Variants in PPP6C observed in about 807,000 individuals in gnomAD.
The protein encoded by PPP6C is serine/threonine-protein phosphatase 6 catalytic subunit.
PPP6C carries 11 observed loss-of-function variants against 39.8 expected under a neutral mutation model. The ratio of observed to expected loss-of-function variants is 0.28; its 90% CI spans 0.17 to 0.46. The LOEUF is 0.46. Among genes scored for constraint, PPP6C ranks in the 20% least tolerant of loss-of-function variants. The pLI, the probability that PPP6C is intolerant of heterozygous loss-of-function variation, is 1.00. For synonymous variants in PPP6C, 129 were observed against 130.3 expected, an observed-to-expected ratio of 0.99 and a Z score of 0.07; for missense variants, 211 against 373.9, an observed-to-expected ratio of 0.56 and a Z score of 3.59.
At chr9:125,171,976 G>C in intron 1 of PPP6C, 1 of 466,808 alleles carries the variant, frequency 2.1e-6, no homozygotes, top group Non-Finnish European at 4.4e-6. Context: ...AATACTCGCA[G>C]AAGCCTAATG....
chr9:125,165,017 G>A (rs922261323), intron 2 of PPP6C, among the ~76,000 whole-genome samples: 3 of 152,128 alleles, frequency 2.0e-5, no homozygotes, highest in South Asian at 2.1e-4. Flanking sequence ...GATTACAGGC[G>A]TGAGCCACCG....
intron 3 of PPP6C, among the ~76,000 whole-genome samples, chr9:125,159,710 C>T (rs147892662): frequency 6.6e-6 from 1 of 152,198 alleles, no homozygotes; most frequent in East Asian, 1.9e-4. Flanking sequence ...AATAGGAAAA[C>T]AGCTGAAAGA....
chr9:125,189,017 T>C, intron 1 of PPP6C: 1 of 1,196,860 alleles, frequency 8.4e-7, no homozygotes, highest in South Asian at 1.3e-5. Flanking sequence ...TCCACTTCAG[T>C]AAGCTCAACA....
At chr9:125,186,938 C>CTTTTTTTTTTTTTTTT (rs1168730026) in intron 1 of PPP6C, among the ~76,000 whole-genome samples, 2 of 83,670 alleles carry the variant, frequency 2.4e-5, no homozygotes, top group African/African-American at 5.0e-5. Context: ...ATTTTTCTTT[C>CTTTTTTTTTTTTTTTT]TTTTTTTTTT....
At chr9:125,188,823 A>ATAAT in intron 1 of PPP6C, 2 of 344,662 alleles carry the variant, frequency 5.8e-6, no homozygotes, top group South Asian at 6.7e-5. Flanking sequence ...ATAATAATTA[A>ATAAT]AAAGTTTTAA....
intron 1 of PPP6C, among the ~76,000 whole-genome samples, chr9:125,173,909 C>A (rs185003759): frequency 1.3e-5 from 2 of 152,294 alleles, no homozygotes; most frequent in African/African-American, 4.8e-5. Flanking sequence ...AGCCACCGCA[C>A]CCAGCCAAGC....
intron 2 of PPP6C, among the ~76,000 whole-genome samples, chr9:125,162,087 A>G (rs1828888293): frequency 6.6e-6 from 1 of 150,634 alleles, no homozygotes; most frequent in Non-Finnish European, 1.5e-5. Flanking sequence ...CTAAAAAGTC[A>G]GACAAAAAAA....
intron 1 of PPP6C, among the ~76,000 whole-genome samples, chr9:125,178,491 G>C (rs530681629): frequency 2.6e-5 from 4 of 152,158 alleles, no homozygotes; most frequent in East Asian, 3.9e-4. Flanking sequence ...TGGCATATCT[G>C]TATTTACTTT....
At chr9:125,181,497 C>T (rs1829420991) in intron 1 of PPP6C, among the ~76,000 whole-genome samples, 1 of 152,112 alleles carries the variant, frequency 6.6e-6, no homozygotes, top group Non-Finnish European at 1.5e-5. Flanking sequence ...CCCGGACCCC[C>T]TGACAGGCCC....
At chr9:125,151,022 T>G (rs1049463844) in intron 6 of PPP6C, 8 of 1,373,016 alleles carry the variant, frequency 5.8e-6, no homozygotes, top group Non-Finnish European at 8.3e-6. Flanking sequence ...ATTATCACCA[T>G]GGACCTACAT....
intron 4 of PPP6C, among the ~76,000 whole-genome samples, chr9:125,156,999 C>CT (rs1390854610): frequency 6.6e-6 from 1 of 151,858 alleles, no homozygotes; most frequent in Non-Finnish European, 1.5e-5. Flanking sequence ...TATTATTAAA[C>CT]TTTAAGTTCT....
At chr9:125,174,147 G>T (rs12376089) in intron 1 of PPP6C, among the ~76,000 whole-genome samples, 1 of 152,110 alleles carries the variant, frequency 6.6e-6, no homozygotes, top group Non-Finnish European at 1.5e-5. Flanking sequence ...TGGATTTTAC[G>T]ATAGGTCTGC....
At chr9:125,189,443 C>T (rs991966262) in intron 1 of PPP6C, 5 of 1,391,060 alleles carry the variant, frequency 3.6e-6, no homozygotes, top group African/African-American at 3.0e-5. Flanking sequence ...TCGGGATCCC[C>T]ACTGAGGCAA....
In PPP6C at chr9:125,147,146, A is replaced by G. The variant is rs1835830319; in HGVS notation, c.*2527T>C. The G allele has an allele frequency of 6.6e-6, 1 of 152,196 alleles. No homozygotes were observed. The highest frequency in any genetic ancestry group is 6.5e-5 in the Admixed American group (1 of 15,272). The allele number at this position is 152,196 out of a possible 1,614,324, so 9.4% of individuals were successfully genotyped here. ...TAAAGTAGTGAAACTTTTTGGGGAA[A>G]CACATTAACTTATAAAAAGCTAGCC... is the stretch of plus-strand genomic sequence containing the variant. On this transcript the variant is annotated 3_prime_UTR_variant, in exon 7 of 7. Coordinates refer to ENST00000373547, the MANE Select transcript of PPP6C (RefSeq NM_002721.5).
chr9:125,173,344 T>C (rs1829216163), intron 1 of PPP6C, among the ~76,000 whole-genome samples: 1 of 142,870 alleles, frequency 7.0e-6, no homozygotes, highest in South Asian at 2.2e-4. Context: ...AGGCAAAGGT[T>C]GCAGTGAGCC....
At chr9:125,165,028 C>G (rs533483483) in intron 2 of PPP6C, among the ~76,000 whole-genome samples, 3 of 151,954 alleles carry the variant, frequency 2.0e-5, no homozygotes, top group Non-Finnish European at 4.4e-5. Flanking sequence ...TGAGCCACCG[C>G]GCCCGGCTGG....
intron 1 of PPP6C, among the ~76,000 whole-genome samples, chr9:125,175,475 A>G (rs1464443572): frequency 6.7e-6 from 1 of 149,776 alleles, no homozygotes; most frequent in East Asian, 2.0e-4. Context: ...CGTCTCTACT[A>G]AAAAAAAATA....
intron 2 of PPP6C, among the ~76,000 whole-genome samples, chr9:125,169,172 T>C (rs1351482522): frequency 6.6e-6 from 1 of 152,232 alleles, no homozygotes; most frequent in African/African-American, 2.4e-5. Flanking sequence ...CAATCTGCCC[T>C]GTAGTAGCTG....
At chr9:125,159,890 C>T (rs1051559210) in intron 3 of PPP6C, among the ~76,000 whole-genome samples, 4 of 152,062 alleles carry the variant, frequency 2.6e-5, no homozygotes, top group Admixed American at 6.6e-5. Flanking sequence ...GGCGTGGTGG[C>T]GCACGCCTGT....
Sources: allele counts gnomAD v4.1 joint callset (sites outside exome capture counted in the v4.1 genomes callset), GRCh38; gene constraint gnomAD v4.1.1; transcripts MANE v1.5; gene names NCBI Gene and HGNC (gene_info 2026-07-23, HGNC 2026-07-21).